The following FRMPD4 variants were observed in gnomAD, a reference collection of about 807,000 sequenced individuals.
FRMPD4 encodes the protein FERM and PDZ domain containing 4, also known as FERM and PDZ domain-containing protein 4.
A neutral mutation model predicts 94.1 loss-of-function variants in FRMPD4; 22 were observed. That is an observed-to-expected ratio of 0.23 (90% CI 0.17 to 0.33). The LOEUF is 0.33. Ranked by LOEUF, FRMPD4 falls within the 10% of genes least tolerant of loss-of-function variation. FRMPD4 has a pLI of 1.00. For missense variants in FRMPD4, 1,111 were observed against 1,339.9 expected (o/e 0.83, Z 2.67); for synonymous variants, 631 against 548.6 (o/e 1.15, Z -2.10).
intron 1 of FRMPD4, among the ~76,000 whole-genome samples, chrX:12,409,970 A>C (rs1473322256): frequency 8.9e-6 from 1 of 111,884 alleles, no homozygotes; most frequent in African/African-American, 3.2e-5. Context: ...CAATATGTGA[A>C]TATCACCCCT....
intron 3 of FRMPD4, among the ~76,000 whole-genome samples, chrX:11,878,979 C>A (rs775120921): frequency 8.9e-6 from 1 of 112,199 alleles, no homozygotes; most frequent in Non-Finnish European, 1.9e-5. Context: ...CTACTTGAGA[C>A]TTTGAGCCAA....
chrX:12,187,876 A>G (rs1367997460), intron 1 of FRMPD4, among the ~76,000 whole-genome samples: 2 of 111,880 alleles, frequency 1.8e-5, no homozygotes. Context: ...ACACTGTTCT[A>G]GATCATAAGG....
chrX:12,562,125 T>C (rs2058665788), intron 2 of FRMPD4, among the ~76,000 whole-genome samples: 1 of 112,689 alleles, frequency 8.9e-6, no homozygotes, highest in Non-Finnish European at 1.9e-5. Context: ...ATAATTATGA[T>C]TTAGGCTTAA....
Position 12,094,214 on chromosome X carries a change from C to T in FRMPD4, c.95+216196C>T, listed in dbSNP as rs190694388. Reference sequence around the variant, plus strand: ...CATAACAATAAATACAAATCAGCTGCCCTGTTATACTTGTTCTTGACTTTT... The same window carrying T: ...CATAACAATAAATACAAATCAGCTGTCCTGTTATACTTGTTCTTGACTTTT... On this transcript the variant is annotated intron_variant, in intron 3 of 18. Coordinates refer to the FRMPD4 transcript ENST00000640291. Among the ~76,000 whole-genome samples, 405 of 111,648 alleles carry T rather than the reference C, an allele frequency of 3.6e-3. 4 individuals carry two copies. The highest frequency in any genetic ancestry group is 0.012 in the African/African-American group (380 of 30,715).
rs1478269492 is a variant in FRMPD4, at chrX:12,193,838, G to GGAAGGAAGA, written c.41+54826_41+54827insGAAGGAAGA. The stretch of plus-strand genomic sequence containing the variant: ...AGGAAGGAAGGAAGGAGGGAAGGAA[G>GGAAGGAAGA]AAAGAAAAGAAAGAAAAAGGAAGGA... On this transcript the variant is annotated intron_variant, in intron 1 of 16. Transcript: ENST00000675598. Among the ~76,000 whole-genome samples the GGAAGGAAGA allele has an allele frequency of 6.7e-5, 4 of 59,928 alleles. 1 individual carries two copies. Among genetic ancestry groups the GGAAGGAAGA allele is most frequent in the African/African-American group, 2.2e-4 (3 of 13,787 alleles). 52.0% of individuals were successfully genotyped at this position (59,928 alleles called of 115,157 possible).
At chrX:12,321,602 C>T (rs1450427930) in intron 1 of FRMPD4, among the ~76,000 whole-genome samples, 1 of 111,857 alleles carries the variant, frequency 8.9e-6, no homozygotes, top group African/African-American at 3.3e-5. Context: ...AATGCATTTT[C>T]GACTTAAGAT....
intron 2 of FRMPD4, among the ~76,000 whole-genome samples, chrX:11,877,078 A>G (rs958221498): frequency 8.9e-6 from 1 of 111,994 alleles, no homozygotes; most frequent in African/African-American, 3.2e-5. Context: ...GAGACATTGC[A>G]TATCACCCAA....
At chrX:12,300,963 G>A (rs943206308) in intron 1 of FRMPD4, among the ~76,000 whole-genome samples, 6 of 111,832 alleles carry the variant, frequency 5.4e-5, no homozygotes, top group Non-Finnish European at 9.4e-5. Flanking sequence ...TGACCTCAGC[G>A]CACTCCCTTG....
chrX:12,642,659 T>C (rs2059510723), intron 4 of FRMPD4, among the ~76,000 whole-genome samples: 1 of 112,873 alleles, frequency 8.9e-6, no homozygotes, highest in African/African-American at 3.2e-5. Flanking sequence ...CCCAAAACTT[T>C]GGAAGGCCAA....
intron 2 of FRMPD4, among the ~76,000 whole-genome samples, chrX:12,553,300 A>G (rs1205195885): frequency 9.2e-6 from 1 of 108,258 alleles, no homozygotes; most frequent in African/African-American, 3.4e-5. Context: ...ATAGCTTGCC[A>G]ATGGTATATA....
At chrX:12,274,984 G>T (rs138810801) in intron 1 of FRMPD4, among the ~76,000 whole-genome samples, 3 of 112,008 alleles carry the variant, frequency 2.7e-5, no homozygotes, top group African/African-American at 9.8e-5. Flanking sequence ...ACTCCAGCCC[G>T]GGCAACAGAG....
At chrX:11,987,097 T>TGAAAAA (rs1569137639) in intron 3 of FRMPD4, among the ~76,000 whole-genome samples, 3 of 14,642 alleles carry the variant, frequency 2.0e-4, no homozygotes, top group Non-Finnish European at 3.2e-4. Context: ...CAAAGACACA[T>TGAAAAA]TAAAAAAAAA....
At chrX:12,486,017 T>G (rs2057735949) in intron 1 of FRMPD4, among the ~76,000 whole-genome samples, 1 of 111,904 alleles carries the variant, frequency 8.9e-6, no homozygotes, top group Non-Finnish European at 1.9e-5. Flanking sequence ...CAGTGCTCAT[T>G]AACTCTCTTG....
At chrX:12,316,004 T>A (rs2055108115) in intron 1 of FRMPD4, among the ~76,000 whole-genome samples, 1 of 112,086 alleles carries the variant, frequency 8.9e-6, no homozygotes, top group Admixed American at 9.4e-5. Context: ...GTTATGCTGA[T>A]GGTGAGAAAC....
intron 1 of FRMPD4, among the ~76,000 whole-genome samples, chrX:12,282,623 C>A (rs1006833425): frequency 9.0e-6 from 1 of 111,554 alleles, no homozygotes; most frequent in African/African-American, 3.3e-5. Context: ...AACTACTCTG[C>A]GGCTAGGCCT....
intron 3 of FRMPD4, among the ~76,000 whole-genome samples, chrX:11,928,365 C>A (rs2054101447): frequency 8.9e-6 from 1 of 111,865 alleles, no homozygotes. Context: ...CTTCATATGG[C>A]AGCAGGAGAG....
At chrX:11,893,506 G>A (rs2053886093) in intron 3 of FRMPD4, among the ~76,000 whole-genome samples, 1 of 111,794 alleles carries the variant, frequency 8.9e-6, no homozygotes. Flanking sequence ...TTTTAGTTAG[G>A]AATGAAAATG....
chrX:11,825,422 A>C (rs1311844997), intron 1 of FRMPD4, among the ~76,000 whole-genome samples: 1 of 111,071 alleles, frequency 9.0e-6, no homozygotes, highest in Non-Finnish European at 1.9e-5. Context: ...TCTTAGTCAC[A>C]TGATAATAAA....
intron 2 of FRMPD4, among the ~76,000 whole-genome samples, chrX:12,506,351 C>T (rs990489147): frequency 1.8e-5 from 2 of 111,405 alleles, no homozygotes; most frequent in Non-Finnish European, 3.8e-5. Flanking sequence ...TGCAATGACA[C>T]GATCTCGGCT....
Sources: allele counts gnomAD v4.1 joint callset (sites outside exome capture counted in the v4.1 genomes callset), GRCh38; gene constraint gnomAD v4.1.1; transcripts MANE v1.5; gene names NCBI Gene and HGNC (gene_info 2026-07-23, HGNC 2026-07-21).